Variants in IMMT observed in about 807,000 individuals in gnomAD.
The protein encoded by IMMT is inner membrane mitochondrial protein, also known as MICOS complex subunit MIC60.
A neutral mutation model predicts 92.7 loss-of-function variants in IMMT; 40 were observed. The ratio of observed to expected loss-of-function variants is 0.43; its 90% CI spans 0.34 to 0.56. IMMT has a LOEUF of 0.56. Among genes scored for constraint, IMMT ranks in the 20% least tolerant of loss-of-function variants. IMMT has a pLI of 0.03. For missense variants in IMMT, 831 were observed against 912.1 expected (o/e 0.91, Z 1.14); for synonymous variants, 322 against 336.1 (o/e 0.96, Z 0.46).
chr2:86,182,099 TAATA>T (rs10548579), intron 1 of IMMT, among the ~76,000 whole-genome samples: 88,937 of 151,646 alleles, frequency 0.59, 26,311 homozygotes, highest in African/African-American at 0.65. Flanking sequence ...TATTTCTTAA[TAATA>T]AATATGTGGA....
chr2:86,151,518 C>T lies in IMMT; in HGVS notation c.1180G>A (p.Asp394Asn). ...WKGMSVSDLA[D>N]KLSTDDLNSL... ...TTCAGATCATCAGTAGAGAGCTTGT[C>T]AGCTAAGCAAAAGAGCATGTTAAAA... Residue 394 changes from aspartate (D) to asparagine (N), a missense_variant and splice_region_variant, in exon 12 of 15, where the codon GAC becomes AAC. Asp to Asn is a conservative substitution (Grantham distance 23). Coordinates refer to ENST00000410111, the MANE Select transcript of IMMT (RefSeq NM_006839.3). 1 of 1,609,336 alleles carries T rather than the reference C, an allele frequency of 6.2e-7. No individual in the cohort carries two copies. The highest frequency in any genetic ancestry group is 8.5e-7 in the Non-Finnish European group (1 of 1,175,666).
At chr2:86,177,780 G>C (rs1677535601) in intron 3 of IMMT, among the ~76,000 whole-genome samples, 2 of 152,106 alleles carry the variant, frequency 1.3e-5, no homozygotes, top group African/African-American at 4.8e-5. Flanking sequence ...TTTATGTCAT[G>C]ACCATTCTGC....
intron 12 of IMMT, among the ~76,000 whole-genome samples, chr2:86,148,602 A>G (rs767797538): frequency 3.9e-5 from 6 of 152,148 alleles, no homozygotes; most frequent in Non-Finnish European, 8.8e-5. Flanking sequence ...ACAGAGCAAG[A>G]CTCCATCTCA....
chr2:86,145,168 G>A (rs1167329084), intron 14 of IMMT, among the ~76,000 whole-genome samples: 1 of 152,000 alleles, frequency 6.6e-6, no homozygotes. Context: ...AAGACTTAAC[G>A]CTAAGGCCAT....
intron 3 of IMMT, among the ~76,000 whole-genome samples, chr2:86,177,248 C>CT (rs5832672): frequency 1.7e-3 from 249 of 147,410 alleles, no homozygotes; most frequent in South Asian, 0.011. Context: ...CTTTTACAGA[C>CT]TTTTTTTTTT....
intron 14 of IMMT, among the ~76,000 whole-genome samples, chr2:86,145,467 C>T (rs1347379329): frequency 7.3e-6 from 1 of 136,318 alleles, no homozygotes; most frequent in Non-Finnish European, 1.5e-5. Context: ...TGCACTCTAC[C>T]CTGGGCGACA....
intron 4 of IMMT, chr2:86,171,640 CA>C: frequency 3.6e-6 from 1 of 274,342 alleles, no homozygotes; most frequent in Non-Finnish European, 7.0e-6. Flanking sequence ...TATTAACACA[CA>C]AGAAGGGGAC....
At chr2:86,145,494 C>CAAAAAAAAAA (rs10554362) in intron 14 of IMMT, among the ~76,000 whole-genome samples, 1 of 76,304 alleles carries the variant, frequency 1.3e-5, no homozygotes. Context: ...GACTCTGTCT[C>CAAAAAAAAAA]AAAAAAAAAA....
chr2:86,169,642 T>C (rs1024271801), intron 6 of IMMT, among the ~76,000 whole-genome samples: 3 of 152,048 alleles, frequency 2.0e-5, no homozygotes, highest in African/African-American at 7.3e-5. Context: ...CAAAAAATTA[T>C]GTTACATGTG....
intron 7 of IMMT, among the ~76,000 whole-genome samples, chr2:86,163,849 C>T (rs1676456408): frequency 6.7e-6 from 1 of 149,710 alleles, no homozygotes; most frequent in African/African-American, 2.5e-5. Context: ...ATCCCAGCTA[C>T]TCTGGAGGCT....
chr2:86,158,410 TA>T, intron 10 of IMMT, 181 bp downstream of exon 10: 1 of 452,240 alleles, frequency 2.2e-6, no homozygotes, highest in Non-Finnish European at 4.0e-6. Flanking sequence ...CAGCTAAAAC[TA>T]CAAGAGTAGT....
chr2:86,147,658 C>G (rs1343172978), intron 13 of IMMT, 44 bp downstream of exon 13: 1 of 1,577,372 alleles, frequency 6.3e-7, no homozygotes, highest in Non-Finnish European at 8.6e-7. Context: ...TCTCTTAATC[C>G]TGTCAGGAAG....
intron 8 of IMMT, chr2:86,160,064 G>GC (rs1676162779): frequency 6.5e-6 from 1 of 153,332 alleles, no homozygotes. Flanking sequence ...CTTTGGACGA[G>GC]CATCAATGCT....
rs527462662 is a variant in IMMT at position 86,167,463 on chromosome 2, G to A, written c.656-819C>T. On this transcript the variant is annotated intron_variant, in intron 6 of 14. Coordinates refer to ENST00000410111, the MANE Select transcript of IMMT (RefSeq NM_006839.3). ...GCTGGGATTACAGGCGTGAGCCACC[G>A]TGCCCGGTTTTTTGTTTTTTGTTTT... Among the ~76,000 whole-genome samples, 12 of 142,578 alleles carry A rather than the reference G, an allele frequency of 8.4e-5. No homozygotes were observed. The South Asian group carries it at 1.4e-3, about 16-fold the overall frequency. The allele number at this position is 142,578 out of a possible 152,430, so 93.5% of individuals were successfully genotyped here.
rs1313044807 is a variant in IMMT, at chr2:86,195,437, T to G, written c.-55A>C. 3 of 1,532,808 alleles carry G rather than the reference T, an allele frequency of 2.0e-6. No homozygotes were observed. Among genetic ancestry groups the G allele is most frequent in the African/African-American group, 1.4e-5 (1 of 72,008 alleles). 95.0% of individuals were successfully genotyped at this position (1,532,808 alleles called of 1,614,324 possible). On this transcript the variant is annotated 5_prime_UTR_variant, in exon 1 of 15. Transcript: ENST00000410111. ...ACTCGAGCTGCCGCGGCGGCGCGAG[T>G]TAAGTGGAGGCGTGCTTGCGTGTGT...
chr2:86,179,357 T>G (rs546031324), intron 3 of IMMT, 76 bp downstream of exon 3: 1 of 1,226,080 alleles, frequency 8.2e-7, no homozygotes, highest in African/African-American at 1.5e-5. Flanking sequence ...AAAAGACAAC[T>G]GTATTTTCAA....
rs368662945 is a variant in IMMT at position 86,164,816 on chromosome 2, C to A, written c.792+1692G>T. Among the ~76,000 whole-genome samples the A allele has an allele frequency of 3.0e-4, 45 of 152,192 alleles. No individual in the cohort carries two copies. In the South Asian group the frequency reaches 7.3e-3, roughly 25 times the overall value. On this transcript the variant is annotated intron_variant, in intron 7 of 14. Transcript: ENST00000410111. ...ATTTATCACCCTTGTTGAAGGTACTCCTGCTTACAGAAGTCCAAGGAAAAC... is the reference window on the plus strand; with the variant it reads ...ATTTATCACCCTTGTTGAAGGTACTACTGCTTACAGAAGTCCAAGGAAAAC...
intron 1 of IMMT, chr2:86,194,901 T>G (rs756927670): frequency 3.8e-5 from 7 of 184,386 alleles, no homozygotes; most frequent in African/African-American, 1.4e-4. Flanking sequence ...AAATGTGGAC[T>G]CTCGCTAGAA....
intron 10 of IMMT, 120 bp downstream of exon 10, chr2:86,158,472 C>A: frequency 1.3e-6 from 1 of 746,454 alleles, no homozygotes; most frequent in Non-Finnish European, 2.1e-6. Context: ...AACGCTGTAA[C>A]AAAAAGAGAT....
Sources: allele counts gnomAD v4.1 joint callset (sites outside exome capture counted in the v4.1 genomes callset), GRCh38; gene constraint gnomAD v4.1.1; transcripts MANE v1.5; gene names NCBI Gene and HGNC (gene_info 2026-07-23, HGNC 2026-07-21).